Variants in PCDH17 observed in about 807,000 individuals in gnomAD.
PCDH17 encodes the protein protocadherin 17.
PCDH17 carries 21 observed loss-of-function variants against 67.7 expected under a neutral mutation model. That is an observed-to-expected ratio of 0.31 (90% CI 0.22 to 0.45). The LOEUF is 0.45. Ranked by LOEUF, PCDH17 falls within the 20% of genes least tolerant of loss-of-function variation. The pLI, the probability that PCDH17 is intolerant of heterozygous loss-of-function variation, is 1.00. For missense variants in PCDH17, 1,471 were observed against 1,564.8 expected (o/e 0.94, Z 1.01); for synonymous variants, 701 against 656.7 (o/e 1.07, Z -1.03).
rs748061839 is a variant in PCDH17, at chr13:57,726,271, C to T, written c.*977C>T. 14 of 152,552 alleles carry T rather than the reference C, an allele frequency of 9.2e-5. No homozygotes were observed. Among genetic ancestry groups the T allele is most frequent in the South Asian group, 2.1e-4 (1 of 4,830 alleles). 9.4% of individuals were successfully genotyped at this position (152,552 alleles called of 1,614,324 possible). ...CAAGTCACATGACCATTTAAATGTG[C>T]AAATGTAAGAAGATTCAATGTGTTT... On this transcript the variant is annotated 3_prime_UTR_variant, in exon 4 of 4. Coordinates refer to ENST00000377918, the MANE Select transcript of PCDH17 (RefSeq NM_001040429.3).
At chr13:57,635,539 C>T (rs1191068035) in intron 1 of PCDH17, among the ~76,000 whole-genome samples, 1 of 151,946 alleles carries the variant, frequency 6.6e-6, no homozygotes, top group African/African-American at 2.4e-5. Context: ...GGAACTTATA[C>T]CCAACTATTA....
intron 3 of PCDH17, among the ~76,000 whole-genome samples, chr13:57,696,467 G>A (rs962370367): frequency 6.6e-6 from 1 of 151,242 alleles, no homozygotes; most frequent in African/African-American, 2.4e-5. Flanking sequence ...TGATGGAAAT[G>A]TTAATGTTAC....
intron 1 of PCDH17, among the ~76,000 whole-genome samples, chr13:57,664,319 T>A (rs1019459220): frequency 6.6e-6 from 1 of 152,168 alleles, no homozygotes; most frequent in African/African-American, 2.4e-5. Context: ...TTGCCCAGAG[T>A]TCATCAAATG....
chr13:57,691,239 T>C (rs890577820), intron 3 of PCDH17, among the ~76,000 whole-genome samples: 2 of 151,326 alleles, frequency 1.3e-5, no homozygotes, highest in Non-Finnish European at 3.0e-5. Context: ...TCATTTAAAA[T>C]GAACTTAATT....
At position 57,666,745 on chromosome 13, in the gene PCDH17, C is replaced by T; in HGVS notation, c.2709C>T (p.Asp903=). 6.2e-7 allele frequency: 1 copy of T among 1,613,804 alleles called. No homozygotes were observed. The highest frequency in any genetic ancestry group is 8.5e-7 in the Non-Finnish European group (1 of 1,179,808). Reference sequence around the variant, plus strand: ...GTGATCAGGCTGACAGTGACCAAGACACTAACAAAGGCTCCTGCTGTGACA... The same window carrying T: ...GTGATCAGGCTGACAGTGACCAAGATACTAACAAAGGCTCCTGCTGTGACA... The part of the protein sequence containing the change: ...GDSDQADSDQ[D]TNKGSCCDMS... Residue 903 remains aspartate (D), a synonymous_variant, in exon 3 of 4, where the codon GAC becomes GAT. Coordinates refer to ENST00000377918, the MANE Select transcript of PCDH17 (RefSeq NM_001040429.3).
At position 57,726,253 on chromosome 13, in the gene PCDH17, C is replaced by T. The variant is rs1321551415; in HGVS notation, c.*959C>T. On this transcript the variant is annotated 3_prime_UTR_variant, in exon 4 of 4. Transcript: ENST00000377918. ...AAATGTCTTAGACATACGCAAGTCA[C>T]ATGACCATTTAAATGTGCAAATGTA... is the stretch of plus-strand genomic sequence containing the variant. 2 of 152,728 alleles carry T rather than the reference C, an allele frequency of 1.3e-5. No individual in the cohort carries two copies. Among genetic ancestry groups the T allele is most frequent in the South Asian group, 2.1e-4 (1 of 4,828 alleles). The allele number at this position is 152,728 out of a possible 1,614,324, so 9.5% of individuals were successfully genotyped here. A position where few individuals can be genotyped will look rare whatever the true frequency, so the allele number is the denominator to read the frequency against.
At chr13:57,723,177 G>A (rs1955885433) in intron 3 of PCDH17, among the ~76,000 whole-genome samples, 2 of 152,072 alleles carry the variant, frequency 1.3e-5, no homozygotes, top group Non-Finnish European at 2.9e-5. Flanking sequence ...TAAAATAGAA[G>A]AAAGATACCT....
intron 3 of PCDH17, among the ~76,000 whole-genome samples, chr13:57,670,161 A>G (rs964416858): frequency 8.6e-5 from 13 of 152,016 alleles, no homozygotes; most frequent in Non-Finnish European, 1.8e-4. Flanking sequence ...CGTAATGAGT[A>G]GTTTACTCAG....
chr13:57,641,606 A>ATG (rs1954905266), intron 1 of PCDH17, among the ~76,000 whole-genome samples: 1 of 126,386 alleles, frequency 7.9e-6, no homozygotes, highest in Non-Finnish European at 1.7e-5. Flanking sequence ...ATATATATAT[A>ATG]TATATATATA....
At chr13:57,630,996 T>A (rs1413470996), upstream of PCDH17, among the ~76,000 whole-genome samples, 2 of 152,258 alleles carry the variant, frequency 1.3e-5, no homozygotes, top group East Asian at 1.9e-4. Flanking sequence ...AGCCCCTGGC[T>A]GGACCGCCGC....
At chr13:57,673,699 T>C (rs1273666937) in intron 3 of PCDH17, among the ~76,000 whole-genome samples, 1 of 151,940 alleles carries the variant, frequency 6.6e-6, no homozygotes, top group African/African-American at 2.4e-5. Context: ...AAAAAAAAAT[T>C]ACTTAGAAAT....
In PCDH17 at chr13:57,634,859, G is replaced by C; in HGVS notation, c.2313G>C (p.Gln771His). The change falls in exon 1 of 4, where the codon CAG (glutamine) becomes CAC (histidine). Residue 771 changes from glutamine (Q) to histidine (H), a missense_variant. Coordinates refer to ENST00000377918, the MANE Select transcript of PCDH17 (RefSeq NM_001040429.3). The surrounding 1 kb of genome is among the most constrained non-coding windows in gnomAD (Gnocchi z 7.8). ...ACAAAAATGATATCATGCTGGTGCAGAGCGAAGTGGAGGAGAGGAACGCCA... is the reference window on the plus strand; with the variant it reads ...ACAAAAATGATATCATGCTGGTGCACAGCGAAGTGGAGGAGAGGAACGCCA... Reference protein sequence around the residue: ...KINKNDIMLVQSEVEERNAMN... With the variant: ...KINKNDIMLVHSEVEERNAMN... 1 of 1,614,142 alleles carries C rather than the reference G, an allele frequency of 6.2e-7. No individual in the cohort carries two copies. Among genetic ancestry groups the C allele is most frequent in the Non-Finnish European group, 8.5e-7 (1 of 1,180,028 alleles).
chr13:57,645,685 A>G (rs1190324805), intron 1 of PCDH17, among the ~76,000 whole-genome samples: 4 of 150,976 alleles, frequency 2.6e-5, no homozygotes, highest in African/African-American at 7.3e-5. Flanking sequence ...TATATTATAT[A>G]TAATTGTATA....
intron 3 of PCDH17, among the ~76,000 whole-genome samples, chr13:57,708,720 A>G (rs1246296015): frequency 2.6e-5 from 4 of 151,998 alleles, no homozygotes; most frequent in Admixed American, 6.6e-5. Context: ...GGAATCCTAC[A>G]TAATTATTTT....
At position 57,659,134 on chromosome 13, in the gene PCDH17, T is replaced by TAC. The variant is rs1566224956; in HGVS notation, c.2566-7325_2566-7324dup. On this transcript the variant is annotated intron_variant, in intron 1 of 3. Transcript: ENST00000377918. ...GTGTGTGTGTGTGTGTGTGTGTGTATACACACACACTCACATATATAATTA... is the reference window on the plus strand; with the variant it reads ...GTGTGTGTGTGTGTGTGTGTGTGTATACACACACACACTCACATATATAATTA... 1.6e-4 allele frequency among the ~76,000 whole-genome samples: 25 copies of TAC among 151,836 alleles called. No homozygotes were observed. The South Asian group carries it at 4.8e-3, about 29-fold the overall frequency.
chr13:57,631,000 C>A (rs1484664904), upstream of PCDH17, among the ~76,000 whole-genome samples: 1 of 152,158 alleles, frequency 6.6e-6, no homozygotes, highest in Non-Finnish European at 1.5e-5. Flanking sequence ...CCTGGCTGGA[C>A]CGCCGCGGCC....
At position 57,712,785 on chromosome 13, in the gene PCDH17, G is replaced by A. The variant is rs926335713; in HGVS notation, c.2798-11827G>A. Among the ~76,000 whole-genome samples, 22 of 151,480 alleles carry A rather than the reference G, an allele frequency of 1.5e-4. No homozygotes were observed. The East Asian group carries it at 4.1e-3, about 28-fold the overall frequency. On this transcript the variant is annotated intron_variant, in intron 3 of 3. Transcript: ENST00000377918. ...ATTAATATGAATTCCTTTTTAGATT[G>A]GATTCAGATTAAAAGTCTGAAAATA...
chr13:57,695,540 T>C (rs558017030), intron 3 of PCDH17, among the ~76,000 whole-genome samples: 1 of 151,304 alleles, frequency 6.6e-6, no homozygotes, highest in East Asian at 1.9e-4. Flanking sequence ...GTAAATTTTG[T>C]CTTCAGTGGA....
In PCDH17 at chr13:57,725,399, T is replaced by G; in HGVS notation, c.*105T>G. On this transcript the variant is annotated 3_prime_UTR_variant, in exon 4 of 4. Transcript: ENST00000377918. ...TTTTACAGGGATGAAGAAAGACCAA[T>G]GCTGCTTTAAGGCTTTTAGTGAACA... 1.0e-6 allele frequency: 1 copy of G among 1,001,130 alleles called. No individual in the cohort carries two copies. The highest frequency in any genetic ancestry group is 1.5e-6 in the Non-Finnish European group (1 of 686,744). 62.0% of individuals were successfully genotyped at this position (1,001,130 alleles called of 1,614,324 possible).
Sources: gnomAD v4.1 joint callset for allele counts (sites outside exome capture counted in the v4.1 genomes callset) on GRCh38, gnomAD v4.1.1 for gene constraint, Gnocchi (gnomAD v3.1) non-coding constraint, MANE v1.5 for transcripts, NCBI Gene and HGNC (gene_info 2026-07-23, HGNC 2026-07-21) for gene names.